The following ZNF678 variants were observed in gnomAD, a reference collection of about 807,000 sequenced individuals.
ZNF678 encodes the protein zinc finger protein 678.
Under a neutral mutation model 3.0 loss-of-function variants are expected in ZNF678, and 5 were observed. The ratio of observed to expected loss-of-function variants is 1.69; its 90% CI spans 0.88 to 3.56. ZNF678 has a LOEUF of 3.56. Ranked by LOEUF, ZNF678 falls within the 30% of genes most tolerant of loss-of-function variation. The probability of loss-of-function intolerance (pLI) is 0.00; values close to 1 mark genes in which losing one functional copy is unlikely to be tolerated. For synonymous variants in ZNF678, 218 were observed against 199.6 expected (o/e 1.09, Z -0.78); for missense variants, 593 against 605.0 (o/e 0.98, Z 0.21).
intron 1 of ZNF678, among the ~76,000 whole-genome samples, chr1:227,588,952 G>A (rs183433288): frequency 1.5e-4 from 23 of 151,318 alleles, no homozygotes; most frequent in Admixed American, 5.9e-4. Context: ...CTTTTGAGAA[G>A]TGTCTGTTCA....
chr1:227,611,326 A>T (rs1462111919), intron 1 of ZNF678, among the ~76,000 whole-genome samples: 1 of 152,136 alleles, frequency 6.6e-6, no homozygotes, highest in Non-Finnish European at 1.5e-5. Context: ...CCCTATCTAT[A>T]CAAGATTCAA....
At chr1:227,625,013 G>A (rs2102774247) in intron 1 of ZNF678, among the ~76,000 whole-genome samples, 1 of 152,336 alleles carries the variant, frequency 6.6e-6, no homozygotes, top group South Asian at 2.1e-4. Context: ...CCCAAAGGGG[G>A]TTGCCACTGC....
At chr1:227,601,799 G>A (rs866473247) in intron 1 of ZNF678, among the ~76,000 whole-genome samples, 1 of 152,092 alleles carries the variant, frequency 6.6e-6, no homozygotes, top group Non-Finnish European at 1.5e-5. Context: ...TTCTGACCTC[G>A]TGACCTGCCT....
chr1:227,625,130 A>G (rs537318797), intron 1 of ZNF678, among the ~76,000 whole-genome samples: 8 of 152,216 alleles, frequency 5.3e-5, no homozygotes, highest in African/African-American at 1.9e-4. Flanking sequence ...CCTAATTGAT[A>G]TTTTAGTGAG....
At chr1:227,648,663 A>C (rs890425397) in intron 2 of ZNF678, among the ~76,000 whole-genome samples, 2 of 152,198 alleles carry the variant, frequency 1.3e-5, no homozygotes, top group South Asian at 2.1e-4. Flanking sequence ...ACTAAAAAAA[A>C]CAAAAATTAG....
At chr1:227,673,388 C>G (rs999855804) in intron 5 of ZNF678, among the ~76,000 whole-genome samples, 3 of 152,174 alleles carry the variant, frequency 2.0e-5, no homozygotes, top group African/African-American at 7.2e-5. Context: ...TCATCTAATT[C>G]CATGAGAGCT....
At position 227,583,427 on chromosome 1, in the gene ZNF678, C is replaced by T. The variant is rs568068951; in HGVS notation, c.-164+19703C>T. On this transcript the variant is annotated intron_variant, in intron 1 of 3. Transcript: ENST00000343776. Reference sequence around the variant, plus strand: ...AGTGCAGTGGCACAATCACAGCTCCCTGCAACGTCCACCTCCCAGGTTCAA... The same window carrying T: ...AGTGCAGTGGCACAATCACAGCTCCTTGCAACGTCCACCTCCCAGGTTCAA... 4.0e-5 allele frequency among the ~76,000 whole-genome samples: 6 copies of T among 150,488 alleles called. No individual in the cohort carries two copies. The South Asian group carries it at 1.1e-3, about 26-fold the overall frequency.
At chr1:227,639,429 A>T (rs1034298076) in intron 1 of ZNF678, among the ~76,000 whole-genome samples, 1 of 152,256 alleles carries the variant, frequency 6.6e-6, no homozygotes, top group Non-Finnish European at 1.5e-5. Context: ...GAGGGCCGTC[A>T]TCAAGCTTCT....
intron 1 of ZNF678, among the ~76,000 whole-genome samples, chr1:227,597,987 A>G (rs1434810794): frequency 2.0e-5 from 3 of 152,200 alleles, no homozygotes; most frequent in South Asian, 2.1e-4. Flanking sequence ...GAGGGGAAAA[A>G]ATTAAAATAT....
chr1:227,565,737 T>A (rs984795203), intron 1 of ZNF678, among the ~76,000 whole-genome samples: 1 of 152,202 alleles, frequency 6.6e-6, no homozygotes, highest in African/African-American at 2.4e-5. Flanking sequence ...TTACAGCTGG[T>A]TGTATCCTCA....
Position 227,609,878 on chromosome 1 carries a change from C to T in ZNF678, c.-163-36666C>T, listed in dbSNP as rs190495346. ...CCTCCTGAGTAGCTGGGACTACAGGCGCGTGCCACCACGCCCAGCTAATTT... is the reference window on the plus strand; with the variant it reads ...CCTCCTGAGTAGCTGGGACTACAGGTGCGTGCCACCACGCCCAGCTAATTT... On this transcript the variant is annotated intron_variant, in intron 1 of 3. Coordinates refer to ENST00000343776, the MANE Select transcript of ZNF678 (RefSeq NM_001367909.1). Among the ~76,000 whole-genome samples, 364 of 152,090 alleles carry T rather than the reference C, an allele frequency of 2.4e-3. 2 individuals carry two copies. The highest frequency in any genetic ancestry group is 2.8e-3 in the Non-Finnish European group (193 of 68,006).
chr1:227,620,773 G>A (rs947715806), intron 1 of ZNF678, among the ~76,000 whole-genome samples: 2 of 152,182 alleles, frequency 1.3e-5, no homozygotes, highest in African/African-American at 2.4e-5. Flanking sequence ...GAGTAATAGC[G>A]TACAGTGTGT....
In ZNF678 at chr1:227,655,287, A is replaced by T; in HGVS notation, c.1037A>T (p.Glu346Val). The T allele has an allele frequency of 6.2e-7, 1 of 1,611,350 alleles. No homozygotes were observed. Among genetic ancestry groups the T allele is most frequent in the Non-Finnish European group, 8.5e-7 (1 of 1,178,292 alleles). The change falls in exon 4 of 4, where the codon GAG becomes GTG. Residue 346 changes from glutamate (E) to valine (V), a missense_variant. Transcript: ENST00000343776. Reference sequence around the variant, plus strand: ...AGCCATAAGAGAATTCATACTGGAGAGAAACCCTACAAATGTGAAGAATGT... The same window carrying T: ...AGCCATAAGAGAATTCATACTGGAGTGAAACCCTACAAATGTGAAGAATGT... ...LSSHKRIHTG[E>V]KPYKCEECGR...
intron 1 of ZNF678, among the ~76,000 whole-genome samples, chr1:227,581,462 T>G (rs1657127548): frequency 6.6e-6 from 1 of 152,160 alleles, no homozygotes; most frequent in African/African-American, 2.4e-5. Context: ...ATCCACCAAG[T>G]GCAAACATTA....
At chr1:227,605,248 T>A (rs1335660605) in intron 1 of ZNF678, among the ~76,000 whole-genome samples, 1 of 152,212 alleles carries the variant, frequency 6.6e-6, no homozygotes, top group Non-Finnish European at 1.5e-5. Context: ...TTTCAGAAAG[T>A]TCATAGCTAG....
intron 1 of ZNF678, among the ~76,000 whole-genome samples, chr1:227,566,752 G>A (rs980175302): frequency 4.6e-5 from 7 of 152,136 alleles, no homozygotes; most frequent in South Asian, 2.1e-4. Flanking sequence ...GGGTATGAAC[G>A]TGGTGAATTC....
rs1470323919 is a variant in ZNF678, at chr1:227,655,176, C to T, written c.926C>T (p.Thr309Ile). ...GKAFTQFASL[T>I]RHKRIHTGEK... The stretch of plus-strand genomic sequence containing the variant: ...GCCTTTACACAGTTTGCAAGCCTTA[C>T]TCGTCATAAAAGAATTCATACTGGA... The change falls in exon 4 of 4, where the codon ACT becomes ATT. Residue 309 changes from threonine (T) to isoleucine (I), a missense_variant. By Grantham distance (89) the Thr-to-Ile change is moderately conservative. Transcript: ENST00000343776. The T allele has an allele frequency of 9.3e-6, 15 of 1,611,770 alleles. No individual in the cohort carries two copies. Among genetic ancestry groups the T allele is most frequent in the African/African-American group, 2.7e-5 (2 of 74,696 alleles).
intron 1 of ZNF678, among the ~76,000 whole-genome samples, chr1:227,596,630 AT>A (rs1657595710): frequency 6.6e-6 from 1 of 152,228 alleles, no homozygotes. Context: ...GCATAAGACA[AT>A]AAGAGGGGTG....
chr1:227,569,801 G>A (rs530153810), intron 1 of ZNF678, among the ~76,000 whole-genome samples: 72 of 151,918 alleles, frequency 4.7e-4, no homozygotes, highest in African/African-American at 1.6e-3. Flanking sequence ...ATTATCCTAC[G>A]TAGGACTTCC....
Sources: allele counts gnomAD v4.1 joint callset (sites outside exome capture counted in the v4.1 genomes callset), GRCh38; gene constraint gnomAD v4.1.1; transcripts MANE v1.5; gene names NCBI Gene and HGNC (gene_info 2026-07-23, HGNC 2026-07-21).